SYT6: variants seen among roughly 807,000 people sequenced by gnomAD.
The protein encoded by SYT6 is synaptotagmin 6.
Under a neutral mutation model 38.4 loss-of-function variants are expected in SYT6, and 24 were observed. The observed-to-expected ratio is 0.62, with a 90% CI of 0.45 to 0.88. SYT6 has a LOEUF of 0.88. SYT6 is among the 40% of genes least tolerant of loss of function. The pLI, the probability that SYT6 is intolerant of heterozygous loss-of-function variation, is 0.00. For synonymous variants in SYT6, 265 were observed against 241.9 expected (o/e 1.10, Z -0.89); for missense variants, 611 against 621.0 (o/e 0.98, Z 0.17).
intron 2 of SYT6, among the ~76,000 whole-genome samples, chr1:114,139,373 C>T (rs1678706872): frequency 6.6e-6 from 1 of 152,196 alleles, no homozygotes; most frequent in Non-Finnish European, 1.5e-5. Flanking sequence ...CACCCACACA[C>T]ACCCCAAGTG....
chr1:114,140,000 A>C, intron 1 of SYT6, 37 bp from the exon 2 acceptor site: 1 of 1,323,750 alleles, frequency 7.6e-7, no homozygotes, highest in East Asian at 2.4e-5. Context: ...AGGGACAGAC[A>C]GACAGAGGCG....
At position 114,153,760 on chromosome 1, in the gene SYT6, A is replaced by C. The variant is rs747391949; in HGVS notation, c.13T>G (p.Trp5Gly). 8.8e-6 allele frequency: 6 copies of C among 680,828 alleles called. No homozygotes were observed. Among genetic ancestry groups the C allele is most frequent in the African/African-American group, 1.9e-5 (1 of 53,798 alleles). The allele number at this position is 680,828 out of a possible 1,614,324, so 42.2% of individuals were successfully genotyped here. Residue 5 changes from tryptophan to glycine, a missense_variant, in exon 1 of 8, where the codon TGG becomes GGG. Physicochemically the swap from Trp to Gly is radical, Grantham distance 184. Transcript: ENST00000610222. MSGVWGAGGPRCQEA... is the reference protein window; with the variant it reads MSGVGGAGGPRCQEA... ...TGGCACCGAGGCCCGCCGGCCCCCC[A>C]CACTCCGCTCATGCCCTAGACACCC...
intron 3 of SYT6, among the ~76,000 whole-genome samples, chr1:114,133,534 A>G (rs1346633956): frequency 2.6e-5 from 4 of 152,190 alleles, no homozygotes; most frequent in East Asian, 1.9e-4. Context: ...CTCTGGTTGG[A>G]GAGACAGTGG....
chr1:114,137,454 C>T lies in SYT6; in HGVS notation c.1071+41G>A, dbSNP rs772705417. 3 of 1,580,584 alleles carry T rather than the reference C, an allele frequency of 1.9e-6. No individual in the cohort carries two copies. In the East Asian group the frequency reaches 6.8e-5, roughly 36 times the overall value. The stretch of plus-strand genomic sequence containing the variant: ...GGGACATGTCCCACCCAACCCAGAA[C>T]CACAAATCCTCAAGAAGCCAAGGAA... On this transcript the variant is annotated intron_variant, in intron 3 of 7. Coordinates refer to ENST00000610222, the MANE Select transcript of SYT6 (RefSeq NM_001253772.2).
At chr1:114,120,391 T>G (rs1381350010) in intron 3 of SYT6, among the ~76,000 whole-genome samples, 1 of 152,214 alleles carries the variant, frequency 6.6e-6, no homozygotes, top group Non-Finnish European at 1.5e-5. Flanking sequence ...CCAGAATGCT[T>G]CAAGTCAGTT....
chr1:114,135,022 G>A (rs546209859), intron 3 of SYT6, among the ~76,000 whole-genome samples: 2 of 152,222 alleles, frequency 1.3e-5, no homozygotes, highest in South Asian at 4.2e-4. Flanking sequence ...ACCTGGCAGG[G>A]TGATGAGCCT....
At chr1:114,139,059 T>G (rs1243967254) in intron 2 of SYT6, among the ~76,000 whole-genome samples, 1 of 152,180 alleles carries the variant, frequency 6.6e-6, no homozygotes, top group Admixed American at 6.5e-5. Context: ...GAATTTAGGG[T>G]AGGTTTTTGT....
chr1:114,099,371 C>T, intron 4 of SYT6, 106 bp from the exon 5 acceptor site: 1 of 1,152,926 alleles, frequency 8.7e-7, no homozygotes, highest in Non-Finnish European at 1.2e-6. Flanking sequence ...TGCTGCTCAT[C>T]AGATGGTATC....
chr1:114,151,716 C>G (rs761926776), intron 1 of SYT6, among the ~76,000 whole-genome samples: 1 of 152,084 alleles, frequency 6.6e-6, no homozygotes, highest in Non-Finnish European at 1.5e-5. Context: ...GTGGAAAAGA[C>G]GGAAGGGAGC....
chr1:114,120,812 C>T (rs1443963811), intron 3 of SYT6, among the ~76,000 whole-genome samples: 2 of 152,210 alleles, frequency 1.3e-5, no homozygotes, highest in East Asian at 3.8e-4. Context: ...GGTCCCTGCC[C>T]CTGGGGCACC....
chr1:114,148,808 A>T (rs1000526780), intron 1 of SYT6, among the ~76,000 whole-genome samples: 2 of 152,202 alleles, frequency 1.3e-5, no homozygotes, highest in Non-Finnish European at 2.9e-5. Flanking sequence ...AAGCATAGAG[A>T]TGTTAACCAG....
chr1:114,114,139 G>A (rs941789913), intron 3 of SYT6, among the ~76,000 whole-genome samples: 18 of 152,312 alleles, frequency 1.2e-4, no homozygotes, highest in Admixed American at 2.0e-4. Flanking sequence ...CCGAAGGACA[G>A]ATCTGGGTCT....
At chr1:114,129,539 T>TTTTCTGTC (rs1677959399) in intron 3 of SYT6, among the ~76,000 whole-genome samples, 1 of 149,672 alleles carries the variant, frequency 6.7e-6, no homozygotes, top group East Asian at 2.0e-4. Context: ...TCTTTCTTTC[T>TTTTCTGTC]TTTTTTTCTG....
chr1:114,122,502 T>C lies in SYT6; in HGVS notation c.1071+14993A>G, dbSNP rs377216042. Among the ~76,000 whole-genome samples, 10 of 102,192 alleles carry C rather than the reference T, an allele frequency of 9.8e-5. No homozygotes were observed. The East Asian group carries it at 1.5e-3, about 15-fold the overall frequency. 67.0% of individuals were successfully genotyped at this position (102,192 alleles called of 152,430 possible). ...ACATTTGTGTGTGTGTGTGTGTGTG[T>C]GTGTGCGCGCACATGAGCATATGCA... On this transcript the variant is annotated intron_variant, in intron 3 of 7. Transcript: ENST00000610222.
rs1453729694 is a variant in SYT6, at chr1:114,103,711, T to G, written c.1082A>C (p.Asp361Ala). 1 of 1,613,568 alleles carries G rather than the reference T, an allele frequency of 6.2e-7. No homozygotes were observed. The highest frequency in any genetic ancestry group is 8.5e-7 in the Non-Finnish European group (1 of 1,179,796). The change falls in exon 4 of 8, where the codon GAC (aspartate) becomes GCC (alanine). Residue 361 changes from aspartate to alanine, a missense_variant. Asp to Ala is a moderately radical substitution (Grantham distance 126). Coordinates refer to ENST00000610222, the MANE Select transcript of SYT6 (RefSeq NM_001253772.2). ...DIQYATSESVDLGEIMFSLCY... is the reference protein window; with the variant it reads ...DIQYATSESVALGEIMFSLCY... ...AAGGGAGAACATGATCTCTCCCAAGTCCACGCTTTCCTGCAAAGAAGCACA... is the reference window on the plus strand; with the variant it reads ...AAGGGAGAACATGATCTCTCCCAAGGCCACGCTTTCCTGCAAAGAAGCACA...
At chr1:114,149,221 G>GTGTGTGTGTGTGTGTGTGTGTGCGCGCA (rs1193943673) in intron 1 of SYT6, among the ~76,000 whole-genome samples, 2 of 135,798 alleles carry the variant, frequency 1.5e-5, no homozygotes, top group East Asian at 2.0e-4. Context: ...GAGAGATTGT[G>GTGTGTGTGTGTGTGTGTGTGTGCGCGCA]TGTGTGTGTG....
At chr1:114,122,676 G>A (rs142364654) in intron 3 of SYT6, among the ~76,000 whole-genome samples, 2 of 152,250 alleles carry the variant, frequency 1.3e-5, no homozygotes, top group East Asian at 3.9e-4. Flanking sequence ...ATAGGGTTGG[G>A]GGAATACTTT....
chr1:114,136,042 G>A (rs928825009), intron 3 of SYT6, among the ~76,000 whole-genome samples: 1 of 152,150 alleles, frequency 6.6e-6, no homozygotes, highest in African/African-American at 2.4e-5. Context: ...GGCTACTTAT[G>A]TTCTTCTTAG....
At chr1:114,103,017 A>G (rs1676060150) in intron 4 of SYT6, among the ~76,000 whole-genome samples, 1 of 152,214 alleles carries the variant, frequency 6.6e-6, no homozygotes. Context: ...CTATATTTCT[A>G]TGTTCCTGCT....
Sources: gnomAD v4.1 joint callset for allele counts (sites outside exome capture counted in the v4.1 genomes callset) on GRCh38, gnomAD v4.1.1 for gene constraint, MANE v1.5 for transcripts, NCBI Gene and HGNC (gene_info 2026-07-23, HGNC 2026-07-21) for gene names.